The following DET1 variants were observed in gnomAD, a reference collection of about 807,000 sequenced individuals.
DET1 encodes DET1 homolog.
A neutral mutation model predicts 43.7 loss-of-function variants in DET1; 22 were observed. That is an observed-to-expected ratio of 0.50 (90% CI 0.36 to 0.72). The LOEUF (loss-of-function observed/expected upper bound fraction) is 0.72. Among genes scored for constraint, DET1 ranks in the 30% least tolerant of loss-of-function variants. DET1 has a pLI of 0.00. For missense variants in DET1, 713 were observed against 713.3 expected, an observed-to-expected ratio of 1.00 and a Z score of 0.00; for synonymous variants, 315 against 266.2, an observed-to-expected ratio of 1.18 and a Z score of -1.79.
Position 88,512,934 on chromosome 15 carries a change from T to A in DET1, c.*17A>T. On this transcript the variant is annotated 3_prime_UTR_variant, in exon 5 of 5. Transcript: ENST00000268148. The stretch of plus-strand genomic sequence containing the variant: ...CAAAGTCTTGGAAGACCAGATAATC[T>A]GGCTCTGGTGAGGCACCTACGTGCA... 6.2e-7 allele frequency: 1 copy of A among 1,610,232 alleles called. No individual in the cohort carries two copies. The highest frequency in any genetic ancestry group is 8.5e-7 in the Non-Finnish European group (1 of 1,176,722).
Position 88,536,337 on chromosome 15 carries a change from C to A in DET1, c.-10-4622G>T, listed in dbSNP as rs530299824. On this transcript the variant is annotated intron_variant, in intron 1 of 4. Transcript: ENST00000268148. Reference sequence around the variant, plus strand: ...CTTTTTAGTATCTGTCCCACCATACCAGAGAGCAGGGAACTGGTCTAATTC... The same window carrying A: ...CTTTTTAGTATCTGTCCCACCATACAAGAGAGCAGGGAACTGGTCTAATTC... The A allele has an allele frequency of 1.0e-5, 8 of 779,644 alleles. No individual in the cohort carries two copies. The East Asian group carries it at 1.9e-4, about 19-fold the overall frequency. 48.3% of individuals were successfully genotyped at this position (779,644 alleles called of 1,614,324 possible).
chr15:88,517,171 A>G (rs2056367085), intron 3 of DET1, among the ~76,000 whole-genome samples, 198 bp from the exon 4 acceptor site: 1 of 151,824 alleles, frequency 6.6e-6, no homozygotes, highest in Admixed American at 6.6e-5. Flanking sequence ...AGCAAAACAT[A>G]TAACTAAAAA....
At chr15:88,502,526 C>A (rs947528609) in intron 8 of DET1, 4 of 152,250 alleles carry the variant, frequency 2.6e-5, no homozygotes, top group African/African-American at 9.7e-5. Flanking sequence ...CAAGGTGCAG[C>A]AGTGTGGGGA....
intron 7 of DET1, among the ~76,000 whole-genome samples, chr15:88,506,335 T>C (rs1049649756): frequency 1.3e-5 from 2 of 152,168 alleles, no homozygotes; most frequent in African/African-American, 4.8e-5. Flanking sequence ...CATAATTCTA[T>C]CAGGCACCAT....
intron 3 of DET1, among the ~76,000 whole-genome samples, chr15:88,520,929 C>T (rs1240560490): frequency 1.3e-5 from 2 of 152,208 alleles, no homozygotes; most frequent in Admixed American, 6.5e-5. Flanking sequence ...TCCCTGCTGC[C>T]ACCCTACCTG....
chr15:88,527,548 A>G (rs2142298151), intron 3 of DET1, 51 bp downstream of exon 3: 1 of 1,505,832 alleles, frequency 6.6e-7, no homozygotes, highest in Non-Finnish European at 8.9e-7. Flanking sequence ...CTATTGGCCT[A>G]ACACCAATTT....
At chr15:88,503,538 T>C (rs564394015) in intron 8 of DET1, 1 of 152,366 alleles carries the variant, frequency 6.6e-6, no homozygotes, top group African/African-American at 2.4e-5. Context: ...ACCAGTAATG[T>C]TACTTTTAGC....
chr15:88,526,518 T>C (rs1411587446), intron 3 of DET1, among the ~76,000 whole-genome samples: 1 of 148,930 alleles, frequency 6.7e-6, no homozygotes, highest in East Asian at 1.9e-4. Flanking sequence ...ACCTAAGTGA[T>C]TTGTAAAGGG....
chr15:88,523,066 G>A (rs1200491869), intron 3 of DET1, among the ~76,000 whole-genome samples: 1 of 151,198 alleles, frequency 6.6e-6, no homozygotes, highest in East Asian at 2.0e-4. Context: ...TGTTTTTTCG[G>A]AGACCAGCCA....
intron 3 of DET1, among the ~76,000 whole-genome samples, chr15:88,518,996 T>C (rs184986262): frequency 1.3e-5 from 2 of 152,232 alleles, no homozygotes; most frequent in East Asian, 1.9e-4. Context: ...TCCCTTTCAT[T>C]TGAGCTGAAA....
intron 1 of DET1, among the ~76,000 whole-genome samples, chr15:88,538,939 C>T (rs567880901): frequency 6.6e-6 from 1 of 152,160 alleles, no homozygotes; most frequent in African/African-American, 2.4e-5. Context: ...TGACTCAGCC[C>T]GTTACTCTAG....
chr15:88,538,851 CG>C (rs1404119776), intron 1 of DET1, among the ~76,000 whole-genome samples: 1 of 152,158 alleles, frequency 6.6e-6, no homozygotes, highest in Non-Finnish European at 1.5e-5. Context: ...CTTCTCACCC[CG>C]GGGTCAGGTA....
intron 3 of DET1, among the ~76,000 whole-genome samples, chr15:88,524,370 C>T (rs1261311959): frequency 1.3e-5 from 2 of 152,068 alleles, no homozygotes; most frequent in South Asian, 2.1e-4. Flanking sequence ...GCCACCGCCC[C>T]GTCCGGGAGG....
At position 88,532,366 on chromosome 15, in the gene DET1, C is replaced by A. The variant is rs546219757; in HGVS notation, c.-10-651G>T. On this transcript the variant is annotated intron_variant, in intron 1 of 4. Coordinates refer to ENST00000268148, the MANE Select transcript of DET1 (RefSeq NM_001144074.3). ...ATTCCAGCAAAAAATATTTATTGGG[C>A]TGTTAAGATATCCATATTACCCAAA... is the stretch of plus-strand genomic sequence containing the variant. Among the ~76,000 whole-genome samples, 3 of 152,096 alleles carry A rather than the reference C, an allele frequency of 2.0e-5. 1 individual carries two copies. In the South Asian group the frequency reaches 6.2e-4, roughly 32 times the overall value.
chr15:88,526,244 G>A (rs1307683313), intron 3 of DET1, among the ~76,000 whole-genome samples: 2 of 152,148 alleles, frequency 1.3e-5, no homozygotes, highest in African/African-American at 2.4e-5. Flanking sequence ...TTTCCCAGTG[G>A]CAGTAATGCT....
At chr15:88,545,752 TGTTTTTAGA>T (rs2057236760) in intron 1 of DET1, among the ~76,000 whole-genome samples, 1 of 151,760 alleles carries the variant, frequency 6.6e-6, no homozygotes, top group Non-Finnish European at 1.5e-5. Flanking sequence ...TTACTAACTC[TGTTTTTAGA>T]CTCTCCCTTA....
rs2056823227 is a variant in DET1, at chr15:88,531,795, T to C, written c.-10-80A>G. Reference sequence around the variant, plus strand: ...ATAAATATATACAAGTGAAACAGATTTCTCTTCTTATATCCTGAACCTAGG... The same window carrying C: ...ATAAATATATACAAGTGAAACAGATCTCTCTTCTTATATCCTGAACCTAGG... On this transcript the variant is annotated intron_variant, in intron 1 of 4. Transcript: ENST00000268148. The surrounding 1 kb of genome is among the most constrained non-coding windows in gnomAD (Gnocchi z 6.2). 6 of 1,362,382 alleles carry C rather than the reference T, an allele frequency of 4.4e-6. No homozygotes were observed. In the South Asian group the frequency reaches 8.9e-5, roughly 20 times the overall value. The allele number at this position is 1,362,382 out of a possible 1,614,324, so 84.4% of individuals were successfully genotyped here.
chr15:88,522,529 A>ATTTTTTTTTTTTTTTTTTTTT (rs2056524786), intron 3 of DET1, among the ~76,000 whole-genome samples: 2 of 16,188 alleles, frequency 1.2e-4, no homozygotes. Flanking sequence ...TTTTTTTTTG[A>ATTTTTTTTTTTTTTTTTTTTT]GTTGGAGTCT....
intron 7 of DET1, chr15:88,505,030 A>T (rs944089630): frequency 6.6e-6 from 1 of 152,214 alleles, no homozygotes; most frequent in African/African-American, 2.4e-5. Flanking sequence ...CGTATTCAAA[A>T]AGCGCTTTTG....
Sources: gnomAD v4.1 joint callset for allele counts (sites outside exome capture counted in the v4.1 genomes callset) on GRCh38, gnomAD v4.1.1 for gene constraint, Gnocchi (gnomAD v3.1) non-coding constraint, MANE v1.5 for transcripts, NCBI Gene and HGNC (gene_info 2026-07-23, HGNC 2026-07-21) for gene names.